Variants in PRKN observed in about 807,000 individuals in gnomAD.
The protein encoded by PRKN is E3 ubiquitin-protein ligase parkin.
Under a neutral mutation model 59.5 loss-of-function variants are expected in PRKN, and 56 were observed. That is an observed-to-expected ratio of 0.94 (90% CI 0.76 to 1.18). The LOEUF is 1.18. Among genes scored for constraint, PRKN ranks in the 50% most tolerant of loss-of-function variants. The pLI is 0.00. For synonymous variants in PRKN, 250 were observed against 222.1 expected (o/e 1.13, Z -1.12); for missense variants, 657 against 596.4 (o/e 1.10, Z -1.06).
intron 1 of PRKN, among the ~76,000 whole-genome samples, chr6:162,637,276 C>G (rs1003544433): frequency 8.2e-5 from 7 of 85,696 alleles, no homozygotes; most frequent in African/African-American, 3.6e-4. Flanking sequence ...CCCACCCGCC[C>G]CCCCCCCCAA....
At chr6:161,822,731 C>T (rs370033628) in intron 6 of PRKN, among the ~76,000 whole-genome samples, 1 of 152,040 alleles carries the variant, frequency 6.6e-6, no homozygotes, top group African/African-American at 2.4e-5. Context: ...GGTCTCAGAT[C>T]ATGATAATGT....
chr6:161,941,938 G>A (rs907625758), intron 6 of PRKN, among the ~76,000 whole-genome samples: 4 of 152,294 alleles, frequency 2.6e-5, no homozygotes, highest in African/African-American at 9.6e-5. Context: ...AATGAAGCAG[G>A]AGGTGGGTGT....
At chr6:162,330,872 G>A (rs1391499926) in intron 2 of PRKN, among the ~76,000 whole-genome samples, 1 of 152,140 alleles carries the variant, frequency 6.6e-6, no homozygotes, top group Non-Finnish European at 1.5e-5. Flanking sequence ...GTGTTGTGGA[G>A]GCATTCAACA....
intron 5 of PRKN, among the ~76,000 whole-genome samples, chr6:161,984,656 T>A (rs1337512970): frequency 6.6e-6 from 1 of 152,208 alleles, no homozygotes; most frequent in African/African-American, 2.4e-5. Context: ...TTTATTATCT[T>A]TATTATCTTG....
At chr6:161,699,125 A>G (rs1208987356) in intron 7 of PRKN, among the ~76,000 whole-genome samples, 1 of 152,174 alleles carries the variant, frequency 6.6e-6, no homozygotes, top group East Asian at 1.9e-4. Flanking sequence ...GAGCACATGA[A>G]AAGAGGCTCA....
intron 6 of PRKN, among the ~76,000 whole-genome samples, chr6:161,964,597 G>A (rs1415268783): frequency 6.6e-6 from 1 of 151,936 alleles, no homozygotes; most frequent in East Asian, 1.9e-4. Context: ...ACATACCCTT[G>A]TTTATTATAA....
At chr6:162,652,628 C>A (rs1048851668) in intron 1 of PRKN, among the ~76,000 whole-genome samples, 1 of 151,728 alleles carries the variant, frequency 6.6e-6, no homozygotes, top group African/African-American at 2.4e-5. Flanking sequence ...TGGTTTCTAC[C>A]CATGCCACTC....
rs866533109 is a variant in PRKN, at chr6:162,357,486, C to T, written c.171+85824G>A. ...TGGCTAAAATTCAGAACACTGAAAA[C>T]AGCCAATGTCAGTGAGAATGTGGAG... On this transcript the variant is annotated intron_variant, in intron 2 of 11. Coordinates refer to ENST00000366898, the MANE Select transcript of PRKN (RefSeq NM_004562.3). Among the ~76,000 whole-genome samples, 8 of 152,288 alleles carry T rather than the reference C, an allele frequency of 5.3e-5. No individual in the cohort carries two copies. In the South Asian group the frequency reaches 1.7e-3, roughly 32 times the overall value.
intron 7 of PRKN, among the ~76,000 whole-genome samples, chr6:161,680,771 ATATATT>A (rs1785320651): frequency 5.5e-5 from 1 of 18,068 alleles, no homozygotes; most frequent in Non-Finnish European, 1.2e-4. Context: ...ATATATATAT[ATATATT>A]TTTTTTTTTT....
chr6:161,905,207 C>A (rs1296863431), intron 6 of PRKN, among the ~76,000 whole-genome samples: 1 of 152,142 alleles, frequency 6.6e-6, no homozygotes, highest in Non-Finnish European at 1.5e-5. Flanking sequence ...TGATTACATG[C>A]CTTGCCTCTG....
At chr6:162,197,186 T>G (rs1482135146) in intron 4 of PRKN, among the ~76,000 whole-genome samples, 1 of 152,198 alleles carries the variant, frequency 6.6e-6, no homozygotes, top group African/African-American at 2.4e-5. Flanking sequence ...CAGAATTGCC[T>G]ATTATTCACA....
chr6:162,283,975 C>T (rs1048601429), intron 2 of PRKN, among the ~76,000 whole-genome samples: 1 of 152,054 alleles, frequency 6.6e-6, no homozygotes, highest in Admixed American at 6.6e-5. Context: ...ATACTAAGTA[C>T]ACATATAATT....
At chr6:161,758,157 C>T (rs926356066) in intron 7 of PRKN, among the ~76,000 whole-genome samples, 7 of 151,374 alleles carry the variant, frequency 4.6e-5, no homozygotes, top group Non-Finnish European at 7.4e-5. Context: ...ACAACCACCA[C>T]GGAAAGTAGT....
chr6:161,600,788 C>A (rs568341290), intron 7 of PRKN, among the ~76,000 whole-genome samples: 1 of 152,246 alleles, frequency 6.6e-6, no homozygotes, highest in East Asian at 1.9e-4. Context: ...CTTTTCCCTT[C>A]CTCCCTGATT....
At chr6:162,178,771 C>T (rs1357125703) in intron 4 of PRKN, among the ~76,000 whole-genome samples, 2 of 152,124 alleles carry the variant, frequency 1.3e-5, no homozygotes, top group Non-Finnish European at 2.9e-5. Flanking sequence ...ATTTCTTTCC[C>T]TATCTGGGGT....
chr6:161,389,093 T>C (rs375982076), intron 9 of PRKN, among the ~76,000 whole-genome samples: 3 of 152,280 alleles, frequency 2.0e-5, no homozygotes, highest in East Asian at 3.9e-4. Context: ...CTGATTTGAA[T>C]TGAAAAACAA....
chr6:162,136,029 T>C (rs1162709506), intron 4 of PRKN, among the ~76,000 whole-genome samples: 3 of 151,756 alleles, frequency 2.0e-5, no homozygotes, highest in Non-Finnish European at 4.4e-5. Flanking sequence ...TCCCCCAGAA[T>C]ACATTGTACA....
rs533052809 is a variant in PRKN at position 161,369,390 on chromosome 6, C to T, written c.1168-9185G>A. ...GGCGGGAGGTTTGGGAACCATTCAT[C>T]CTCTGGAGGGCGATTCTCCCTTTGC... is the stretch of plus-strand genomic sequence containing the variant. On this transcript the variant is annotated intron_variant, in intron 10 of 11. Transcript: ENST00000366898. This position sits in a 1 kb window ranked among gnomAD's most constrained non-coding sequence, Gnocchi z 5.8. 6.6e-6 allele frequency among the ~76,000 whole-genome samples: 1 copy of T among 152,284 alleles called. No individual in the cohort carries two copies. The highest frequency in any genetic ancestry group is 2.4e-5 in the African/African-American group (1 of 41,578).
chr6:162,228,312 T>C (rs1226728018), intron 3 of PRKN, among the ~76,000 whole-genome samples: 1 of 152,108 alleles, frequency 6.6e-6, no homozygotes, highest in East Asian at 1.9e-4. Context: ...TTGTGGAAAA[T>C]AGAAATCTGG....
Sources: allele counts gnomAD v4.1 joint callset (sites outside exome capture counted in the v4.1 genomes callset), GRCh38; gene constraint gnomAD v4.1.1; non-coding constraint Gnocchi (gnomAD v3.1); transcripts MANE v1.5; gene names NCBI Gene and HGNC (gene_info 2026-07-23, HGNC 2026-07-21).